DCDC1: variants seen among roughly 807,000 people sequenced by gnomAD.
DCDC1 encodes doublecortin domain-containing protein 1.
A neutral mutation model predicts 178.3 loss-of-function variants in DCDC1; 200 were observed. The ratio of observed to expected loss-of-function variants is 1.12; its 90% confidence interval spans 1.00 to 1.26. The LOEUF (loss-of-function observed/expected upper bound fraction) is 1.26, where lower values mean the gene tolerates loss of function less well. DCDC1 is among the 50% of genes most tolerant of loss of function. DCDC1 has a pLI of 0.00. For synonymous variants in DCDC1, 690 were observed against 604.8 expected (o/e 1.14, Z -2.07); for missense variants, 1,983 against 1,749.2 (o/e 1.13, Z -2.38).
rs566734582 is a variant in DCDC1 at position 31,315,142 on chromosome 11, C to G, written c.165-7234G>C. Among the ~76,000 whole-genome samples, 4 of 151,958 alleles carry G rather than the reference C, an allele frequency of 2.6e-5. No individual in the cohort carries two copies. The East Asian group carries it at 7.7e-4, about 29-fold the overall frequency. On this transcript the variant is annotated intron_variant, in intron 3 of 38. Coordinates refer to ENST00000684477, the MANE Select transcript of DCDC1 (RefSeq NM_001387274.1). ...CCTCTCCTTAATGGCATTAGTAAAC[C>G]TTAGTGACTTTTTATAGCAATTTGA...
rs1344698288 is a variant in DCDC1, at chr11:31,061,591, C to T, written c.2591+2878G>A. On this transcript the variant is annotated intron_variant, in intron 20 of 38. Transcript: ENST00000684477. ...AGAAGAAGAAGAAGGCACCTGGAGCCGATCACGTATGGAGCCTATCACATA... is the reference window on the plus strand; with the variant it reads ...AGAAGAAGAAGAAGGCACCTGGAGCTGATCACGTATGGAGCCTATCACATA... 4.0e-5 allele frequency among the ~76,000 whole-genome samples: 6 copies of T among 151,860 alleles called. No homozygotes were observed. In the East Asian group the frequency reaches 7.7e-4, roughly 20 times the overall value.
chr11:31,330,410 C>T (rs999875064), intron 2 of DCDC1, among the ~76,000 whole-genome samples: 5 of 152,228 alleles, frequency 3.3e-5, no homozygotes, highest in South Asian at 4.2e-4. Flanking sequence ...AATTAGATCC[C>T]GCTTGTCAGT....
At chr11:31,074,307 C>T (rs1956740202) in intron 18 of DCDC1, among the ~76,000 whole-genome samples, 1 of 152,128 alleles carries the variant, frequency 6.6e-6, no homozygotes, top group Non-Finnish European at 1.5e-5. Flanking sequence ...TAGCTGGTAA[C>T]CCTCCACACA....
chr11:31,291,158 C>T (rs181201367), intron 6 of DCDC1, among the ~76,000 whole-genome samples: 15 of 152,114 alleles, frequency 9.9e-5, no homozygotes, highest in Admixed American at 5.9e-4. Context: ...ACTGATTAAA[C>T]GCACCCAGCT....
chr11:31,032,864 A>G (rs1031304608), intron 20 of DCDC1, among the ~76,000 whole-genome samples: 4 of 152,188 alleles, frequency 2.6e-5, no homozygotes, highest in Non-Finnish European at 5.9e-5. Context: ...ACCTCGGGAC[A>G]ATTACCTTAC....
intron 1 of DCDC1, among the ~76,000 whole-genome samples, chr11:31,338,715 TCTTC>T (rs1950393150): frequency 6.6e-6 from 1 of 152,196 alleles, no homozygotes; most frequent in Non-Finnish European, 1.5e-5. Context: ...AGCCTTCTTT[TCTTC>T]CTTCCTGATA....
intron 9 of DCDC1, among the ~76,000 whole-genome samples, chr11:31,213,719 CAAAAAAAAAACA>C (rs1973154400): frequency 8.8e-6 from 1 of 113,764 alleles, no homozygotes; most frequent in Non-Finnish European, 1.9e-5. Context: ...GACTCTGTCT[CAAAAAAAAAACA>C]AAAAAAAAAG....
At chr11:31,272,265 C>T (rs1253288289) in intron 7 of DCDC1, among the ~76,000 whole-genome samples, 1 of 152,016 alleles carries the variant, frequency 6.6e-6, no homozygotes, top group Non-Finnish European at 1.5e-5. Flanking sequence ...CCATCAGGTC[C>T]CTCCCACAAC....
In DCDC1 at chr11:31,151,492, C is replaced by T. The variant is rs568889804; in HGVS notation, c.1222-13708G>A. On this transcript the variant is annotated intron_variant, in intron 9 of 38. Transcript: ENST00000684477. ...TGGCTGTCTGCAATTATTAATGAAACTTACCTAACCTCTACTTCATCTCTA... is the reference window on the plus strand; with the variant it reads ...TGGCTGTCTGCAATTATTAATGAAATTTACCTAACCTCTACTTCATCTCTA... Among the ~76,000 whole-genome samples, 15 of 152,304 alleles carry T rather than the reference C, an allele frequency of 9.8e-5. No individual in the cohort carries two copies. The South Asian group carries it at 3.1e-3, about 32-fold the overall frequency.
Position 31,218,351 on chromosome 11 carries a change from T to C in DCDC1, c.1221+23099A>G, listed in dbSNP as rs560564603. ...TTTCTCTTGATACTCTAAGAATAAA[T>C]GTTTATAGGGAAAAAATTAAAGCAA... On this transcript the variant is annotated intron_variant, in intron 9 of 38. Coordinates refer to ENST00000684477, the MANE Select transcript of DCDC1 (RefSeq NM_001387274.1). Among the ~76,000 whole-genome samples the C allele has an allele frequency of 4.6e-5, 7 of 152,258 alleles. No homozygotes were observed. The South Asian group carries it at 1.0e-3, about 23-fold the overall frequency.
Position 31,134,838 on chromosome 11 carries a change from A to T in DCDC1, c.1314+2854T>A, listed in dbSNP as rs577248935. ...AGCAAGACCCTATCTCTACAAAAAA[A>T]TTTTTAAATGAGCTGGACATGGTGG... On this transcript the variant is annotated intron_variant, in intron 10 of 38. Coordinates refer to ENST00000684477, the MANE Select transcript of DCDC1 (RefSeq NM_001387274.1). Among the ~76,000 whole-genome samples, 8 of 152,180 alleles carry T rather than the reference A, an allele frequency of 5.3e-5. No individual in the cohort carries two copies. The South Asian group carries it at 6.2e-4, about 12-fold the overall frequency.
chr11:31,069,950 A>G (rs886624554), intron 18 of DCDC1, among the ~76,000 whole-genome samples: 6 of 152,220 alleles, frequency 3.9e-5, no homozygotes, highest in Non-Finnish European at 5.9e-5. Context: ...AATGACAAAA[A>G]TGCAGTAATG....
At chr11:31,128,283 A>C (rs899149803) in intron 10 of DCDC1, among the ~76,000 whole-genome samples, 2 of 152,102 alleles carry the variant, frequency 1.3e-5, no homozygotes, top group African/African-American at 2.4e-5. Context: ...TAGTTTTTCC[A>C]GAAACACCAA....
intron 36 of DCDC1, among the ~76,000 whole-genome samples, chr11:30,888,310 C>G (rs979786638): frequency 1.3e-5 from 2 of 152,026 alleles, no homozygotes; most frequent in Non-Finnish European, 1.5e-5. Flanking sequence ...ATGTAATGCC[C>G]AAGTCACATT....
At chr11:31,028,304 T>C (rs955756417) in intron 20 of DCDC1, among the ~76,000 whole-genome samples, 1 of 151,894 alleles carries the variant, frequency 6.6e-6, no homozygotes, top group African/African-American at 2.4e-5. Context: ...CTTTTTTTAG[T>C]GGTCCAATTT....
chr11:31,269,159 G>A lies in DCDC1; in HGVS notation c.961-3559C>T, dbSNP rs566487739. On this transcript the variant is annotated intron_variant, in intron 7 of 38. Coordinates refer to ENST00000684477, the MANE Select transcript of DCDC1 (RefSeq NM_001387274.1). ...GCCAGCCTTCAGTAATCATTTTCTC[G>A]GAGTAAATTATCAGTGGTATGAATT... 1.3e-3 allele frequency among the ~76,000 whole-genome samples: 197 copies of A among 152,070 alleles called. 3 individuals are homozygous for A. Among genetic ancestry groups the A allele is most frequent in the African/African-American group, 6.5e-4 (27 of 41,464 alleles).
intron 27 of DCDC1, among the ~76,000 whole-genome samples, chr11:30,914,973 A>G (rs1945728874): frequency 6.6e-6 from 1 of 152,132 alleles, no homozygotes; most frequent in Admixed American, 6.5e-5. Context: ...ACAGTACTGT[A>G]GTTGGTTCAA....
chr11:31,279,442 C>T (rs1244466192), intron 7 of DCDC1, among the ~76,000 whole-genome samples: 4 of 152,054 alleles, frequency 2.6e-5, no homozygotes, highest in Non-Finnish European at 4.4e-5. Context: ...CACATGCACA[C>T]GTATGTTTAT....
At chr11:31,343,607 T>C (rs1378117464) in intron 1 of DCDC1, among the ~76,000 whole-genome samples, 1 of 152,052 alleles carries the variant, frequency 6.6e-6, no homozygotes, top group Non-Finnish European at 1.5e-5. Context: ...ACACCCAGCC[T>C]GACCCTGTCT....
Sources: allele counts gnomAD v4.1 joint callset (sites outside exome capture counted in the v4.1 genomes callset), GRCh38; gene constraint gnomAD v4.1.1; transcripts MANE v1.5; gene names NCBI Gene and HGNC (gene_info 2026-07-23, HGNC 2026-07-21).